PCDHGB5: variants seen among roughly 807,000 people sequenced by gnomAD.
PCDHGB5 encodes protocadherin gamma-B5.
Under a neutral mutation model 62.9 loss-of-function variants are expected in PCDHGB5, and 48 were observed. The ratio of observed to expected loss-of-function variants is 0.76; its 90% CI spans 0.61 to 0.97. The LOEUF (loss-of-function observed/expected upper bound fraction) is 0.97, where lower values mean the gene tolerates loss of function less well. Ranked by LOEUF, PCDHGB5 falls within the 50% of genes least tolerant of loss-of-function variation. The pLI is 0.00. For synonymous variants in PCDHGB5, 474 were observed against 511.2 expected (o/e 0.93, Z 0.98); for missense variants, 1,118 against 1,198.6 (o/e 0.93, Z 0.99).
chr5:141,404,772 G>T, intron 1 of PCDHGB5: 2 of 1,613,820 alleles, frequency 1.2e-6, no homozygotes, highest in African/African-American at 1.3e-5. Flanking sequence ...CTCTCCTACC[G>T]CCTATTCAAG....
At chr5:141,446,502 A>G (rs1178198384) in intron 1 of PCDHGB5, among the ~76,000 whole-genome samples, 5 of 150,732 alleles carry the variant, frequency 3.3e-5, no homozygotes, top group Non-Finnish European at 7.4e-5. Context: ...TTTGAGATGG[A>G]GTCTCGCTCT....
Position 141,490,481 on chromosome 5 carries a change from G to A in PCDHGB5, c.2398-4326G>A, listed in dbSNP as rs771164683. 8.7e-6 allele frequency: 14 copies of A among 1,614,060 alleles called. No homozygotes were observed. The highest frequency in any genetic ancestry group is 4.0e-5 in the African/African-American group (3 of 74,928). ...CTGCTAACCAGCCAGCCTTTGGACCGGGAGGCCACATCCCACTATATCATC... is the reference window on the plus strand; with the variant it reads ...CTGCTAACCAGCCAGCCTTTGGACCAGGAGGCCACATCCCACTATATCATC... On this transcript the variant is annotated intron_variant, in intron 1 of 3. Transcript: ENST00000617380. The surrounding 1 kb of genome is among the most constrained non-coding windows in gnomAD (Gnocchi z 5.4).
At chr5:141,457,318 C>T (rs990268003) in intron 1 of PCDHGB5, among the ~76,000 whole-genome samples, 3 of 152,238 alleles carry the variant, frequency 2.0e-5, no homozygotes, top group South Asian at 2.1e-4. Context: ...AAGAAACCTC[C>T]GGGTTACAGG....
Position 141,432,394 on chromosome 5 carries a change from C to T in PCDHGB5, c.2397+31870C>T, listed in dbSNP as rs149830124. The T allele has an allele frequency of 1.7e-5, 27 of 1,614,260 alleles. No individual in the cohort carries two copies. The African/African-American group carries it at 2.7e-4, about 16-fold the overall frequency. On this transcript the variant is annotated intron_variant, in intron 1 of 3. Transcript: ENST00000617380. The surrounding 1 kb of genome is among the most constrained non-coding windows in gnomAD (Gnocchi z 6.0). ...ACGGGCACCCGCCCCTCAGCAGCAA[C>T]GTGTCGTTGAGCCTGTTCGTGCTGG...
intron 1 of PCDHGB5, among the ~76,000 whole-genome samples, chr5:141,443,016 G>T (rs1325670377): frequency 6.6e-6 from 1 of 152,204 alleles, no homozygotes; most frequent in East Asian, 1.9e-4. Context: ...TATGACTAAT[G>T]GAAGTTGCCA....
At position 141,491,381 on chromosome 5, in the gene PCDHGB5, C is replaced by CT. The variant is rs1554177905; in HGVS notation, c.2398-3426_2398-3425insT. The CT allele has an allele frequency of 2.8e-5, 45 of 1,614,068 alleles. No individual in the cohort carries two copies. Among genetic ancestry groups the CT allele is most frequent in the Non-Finnish European group, 3.5e-5 (41 of 1,179,950 alleles). On this transcript the variant is annotated intron_variant, in intron 1 of 3. Coordinates refer to ENST00000617380, the MANE Select transcript of PCDHGB5 (RefSeq NM_018925.3). This position sits in a 1 kb window ranked among gnomAD's most constrained non-coding sequence, Gnocchi z 6.9. ...CTAGTCACCTTCACCTTTCTGTCAG[C>CT]GAAGTGCCTTCAGGGAAACGCAGAC...
intron 1 of PCDHGB5, chr5:141,402,820 C>T: frequency 1.6e-6 from 2 of 1,288,164 alleles, no homozygotes; most frequent in Admixed American, 3.0e-5. Context: ...CACAAACCTG[C>T]TCCCAGGCTG....
Position 141,399,398 on chromosome 5 carries a change from G to A in PCDHGB5, c.1271G>A (p.Gly424Asp), listed in dbSNP as rs1374441258. ...GTCACCATCACAGCCACAGACAGGG[G>A]CAAGCCGCCCCTCTCCTCCAGCATA... is the stretch of plus-strand genomic sequence containing the variant. ...YNVTITATDR[G>D]KPPLSSSISV... Residue 424 changes from glycine to aspartate, a missense_variant, in exon 1 of 4, where the codon GGC becomes GAC. By Grantham distance (94) the Gly-to-Asp change is moderately conservative. Coordinates refer to ENST00000617380, the MANE Select transcript of PCDHGB5 (RefSeq NM_018925.3). The A allele has an allele frequency of 6.2e-7, 1 of 1,613,972 alleles. No individual in the cohort carries two copies. Among genetic ancestry groups the A allele is most frequent in the Non-Finnish European group, 8.5e-7 (1 of 1,179,880 alleles).
rs915257485 is a variant in PCDHGB5, at chr5:141,476,018, A to T, written c.2398-18789A>T. ...AACGGCATCCAGAAAGCCATGTCGG[A>T]CTCGGCGCCCAGCGCCCAAGCGCTA... On this transcript the variant is annotated intron_variant, in intron 1 of 3. Transcript: ENST00000617380. This position sits in a 1 kb window ranked among gnomAD's most constrained non-coding sequence, Gnocchi z 7.6. The T allele has an allele frequency of 5.8e-6, 8 of 1,371,412 alleles. No homozygotes were observed. Among genetic ancestry groups the T allele is most frequent in the Non-Finnish European group, 7.9e-6 (8 of 1,016,908 alleles). The allele number at this position is 1,371,412 out of a possible 1,614,324, so 85.0% of individuals were successfully genotyped here.
At chr5:141,479,090 T>G (rs1424205731) in intron 1 of PCDHGB5, among the ~76,000 whole-genome samples, 2 of 152,244 alleles carry the variant, frequency 1.3e-5, no homozygotes, top group Non-Finnish European at 2.9e-5. Flanking sequence ...CCAGGCATCC[T>G]TTAAATTTTA....
At chr5:141,495,052 CTGTT>C (rs1406995321) in intron 2 of PCDHGB5, among the ~76,000 whole-genome samples, 187 bp downstream of exon 2, 1 of 152,190 alleles carries the variant, frequency 6.6e-6, no homozygotes, top group Non-Finnish European at 1.5e-5. Context: ...ACTGCCCTGA[CTGTT>C]CAGGAAGCTC....
In PCDHGB5 at chr5:141,432,752, G is replaced by C. The variant is rs1407361813; in HGVS notation, c.2397+32228G>C. On this transcript the variant is annotated intron_variant, in intron 1 of 3. Coordinates refer to ENST00000617380, the MANE Select transcript of PCDHGB5 (RefSeq NM_018925.3). The surrounding 1 kb of genome is among the most constrained non-coding windows in gnomAD (Gnocchi z 6.0). Reference sequence around the variant, plus strand: ...CACTGTCACGCTCACCGTGGCCGTGGCCGACAGCATCCCCCAAGTCCTGGC... The same window carrying C: ...CACTGTCACGCTCACCGTGGCCGTGCCCGACAGCATCCCCCAAGTCCTGGC... 9.3e-6 allele frequency: 15 copies of C among 1,614,024 alleles called. No individual in the cohort carries two copies. The highest frequency in any genetic ancestry group is 1.3e-5 in the Non-Finnish European group (15 of 1,180,008).
intron 1 of PCDHGB5, among the ~76,000 whole-genome samples, chr5:141,466,021 G>A (rs2099115061): frequency 6.6e-6 from 1 of 151,934 alleles, no homozygotes; most frequent in Admixed American, 6.6e-5. Flanking sequence ...ACTCGGGAGG[G>A]TGAGGCAGGA....
chr5:141,412,041 T>G (rs2095531468), intron 1 of PCDHGB5: 1 of 152,108 alleles, frequency 6.6e-6, no homozygotes, highest in Non-Finnish European at 1.5e-5. Context: ...GTGAAAGAAG[T>G]GAACTTCTAT....
intron 1 of PCDHGB5, chr5:141,410,715 G>A: frequency 1.4e-6 from 2 of 1,422,782 alleles, no homozygotes; most frequent in Non-Finnish European, 1.9e-6. Context: ...AGAATCATAT[G>A]TTTAAAATCC....
At position 141,489,369 on chromosome 5, in the gene PCDHGB5, G is replaced by A. The variant is rs371328808; in HGVS notation, c.2398-5438G>A. The A allele has an allele frequency of 4.5e-5, 73 of 1,613,474 alleles. No individual in the cohort carries two copies. Among genetic ancestry groups the A allele is most frequent in the African/African-American group, 4.1e-4 (31 of 74,894 alleles). ...TGGTGGAGGAGTCTGAGCCGGGGACGCTGGTGGGGAATGTTGCTCAGGATC... is the reference window on the plus strand; with the variant it reads ...TGGTGGAGGAGTCTGAGCCGGGGACACTGGTGGGGAATGTTGCTCAGGATC... On this transcript the variant is annotated intron_variant, in intron 1 of 3. Transcript: ENST00000617380. This position sits in a 1 kb window ranked among gnomAD's most constrained non-coding sequence, Gnocchi z 4.5.
At chr5:141,501,036 T>C (rs893597004) in intron 2 of PCDHGB5, among the ~76,000 whole-genome samples, 4 of 151,702 alleles carry the variant, frequency 2.6e-5, no homozygotes, top group Non-Finnish European at 4.4e-5. Flanking sequence ...GCCCAGCTAA[T>C]TTTTGTATTT....
chr5:141,444,406 G>A (rs1296878411), intron 1 of PCDHGB5, among the ~76,000 whole-genome samples: 1 of 151,874 alleles, frequency 6.6e-6, no homozygotes, highest in Non-Finnish European at 1.5e-5. Context: ...CCCAACCTCA[G>A]GTGATCTTCC....
At chr5:141,452,792 A>AT (rs745523252) in intron 1 of PCDHGB5, among the ~76,000 whole-genome samples, 15 of 152,178 alleles carry the variant, frequency 9.9e-5, no homozygotes, top group Admixed American at 2.0e-4. Context: ...ACATACCATC[A>AT]TTTTTGCTGT....
Sources: gnomAD v4.1 joint callset for allele counts (sites outside exome capture counted in the v4.1 genomes callset) on GRCh38, gnomAD v4.1.1 for gene constraint, Gnocchi (gnomAD v3.1) non-coding constraint, MANE v1.5 for transcripts, NCBI Gene and HGNC (gene_info 2026-07-23, HGNC 2026-07-21) for gene names.